ANO2: variants seen among roughly 807,000 people sequenced by gnomAD.
ANO2 encodes anoctamin-2.
Under a neutral mutation model 124.2 loss-of-function variants are expected in ANO2, and 101 were observed. That is an observed-to-expected ratio of 0.81 (90% confidence interval 0.69 to 0.96). The LOEUF is 0.96. ANO2 is among the 40% of genes least tolerant of loss of function. The probability of loss-of-function intolerance (pLI) is 0.00; values close to 1 mark genes in which losing one functional copy is unlikely to be tolerated. For missense variants in ANO2, 1,293 were observed against 1,274.5 expected (o/e 1.01, Z -0.22); for synonymous variants, 486 against 482.5 (o/e 1.01, Z -0.09).
chr12:5,777,287 G>A lies in ANO2; in HGVS notation c.1055+22220C>T, dbSNP rs185264690. Among the ~76,000 whole-genome samples the A allele has an allele frequency of 3.9e-5, 6 of 152,178 alleles. No homozygotes were observed. In the East Asian group the frequency reaches 7.7e-4, roughly 20 times the overall value. ...AGCTCAGATAGTGAGGTCATAGGGC[G>A]GCAAAAAGCAGTATGCCTCATTGAG... On this transcript the variant is annotated intron_variant, in intron 10 of 24. Coordinates refer to ENST00000682330, the MANE Select transcript of ANO2 (RefSeq NM_001364791.2).
intron 20 of ANO2, among the ~76,000 whole-genome samples, chr12:5,583,631 C>T (rs1942894464): frequency 9.5e-6 from 1 of 105,336 alleles, no homozygotes; most frequent in Non-Finnish European, 1.8e-5. Flanking sequence ...CCGGCCTGGG[C>T]TAAAGAGCGG....
rs534485653 is a variant in ANO2 at position 5,737,302 on chromosome 12, A to G, written c.1434+2015T>C. The stretch of plus-strand genomic sequence containing the variant: ...ACCCAGTCTTGGCCAGGCCCCTCTC[A>G]GCCAGCACATGAGCTCCTCAAATCA... On this transcript the variant is annotated intron_variant, in intron 13 of 24. Coordinates refer to ENST00000682330, the MANE Select transcript of ANO2 (RefSeq NM_001364791.2). Among the ~76,000 whole-genome samples, 88 of 152,328 alleles carry G rather than the reference A, an allele frequency of 5.8e-4. 1 individual carries two copies. Among genetic ancestry groups the G allele is most frequent in the African/African-American group, 2.0e-3 (84 of 41,578 alleles).
In ANO2 at chr12:5,610,819, T is replaced by TACATACACAC. The variant is rs1215595459; in HGVS notation, c.2087+1836_2087+1837insGTGTGTATGT. ...TGGCCCAGCCCATCAGAGTTGTCCA[T>TACATACACAC]ACACACACACACACACACACACACA... On this transcript the variant is annotated intron_variant, in intron 19 of 24. Coordinates refer to ENST00000682330, the MANE Select transcript of ANO2 (RefSeq NM_001364791.2). Among the ~76,000 whole-genome samples, 8 of 110,844 alleles carry TACATACACAC rather than the reference T, an allele frequency of 7.2e-5. No homozygotes were observed. The East Asian group carries it at 2.0e-3, about 28-fold the overall frequency. 72.7% of individuals were successfully genotyped at this position (110,844 alleles called of 152,430 possible).
chr12:5,780,753 C>T (rs557110572), intron 10 of ANO2, among the ~76,000 whole-genome samples: 72 of 152,212 alleles, frequency 4.7e-4, no homozygotes, highest in Non-Finnish European at 7.6e-4. Flanking sequence ...TCAGGAACTG[C>T]GAGTCTTAAA....
chr12:5,717,174 G>C (rs551873833), intron 14 of ANO2, among the ~76,000 whole-genome samples: 1 of 152,238 alleles, frequency 6.6e-6, no homozygotes, highest in Non-Finnish European at 1.5e-5. Context: ...GGCATGAAGA[G>C]TATGTGGGAA....
At chr12:5,613,795 T>C (rs371016124) in intron 17 of ANO2, among the ~76,000 whole-genome samples, 5 of 152,366 alleles carry the variant, frequency 3.3e-5, no homozygotes, top group Admixed American at 2.0e-4. Flanking sequence ...AGGCTATCTC[T>C]TCTAGTATAG....
rs1218346164 is a variant in ANO2, at chr12:5,900,605, T to A, written c.534+20435A>T. On this transcript the variant is annotated intron_variant, in intron 3 of 24. Coordinates refer to ENST00000682330, the MANE Select transcript of ANO2 (RefSeq NM_001364791.2). This position sits in a 1 kb window ranked among gnomAD's most constrained non-coding sequence, Gnocchi z 4.2. Reference sequence around the variant, plus strand: ...AAAAAACTAAAGTGAACTCTCCCTTTAAAAAAAAAACATGGGGGAGCATTT... The same window carrying A: ...AAAAAACTAAAGTGAACTCTCCCTTAAAAAAAAAAACATGGGGGAGCATTT... 1.3e-5 allele frequency among the ~76,000 whole-genome samples: 2 copies of A among 149,430 alleles called. No homozygotes were observed. The highest frequency in any genetic ancestry group is 2.1e-4 in the South Asian group (1 of 4,736).
chr12:5,938,922 TAA>T (rs767478777), intron 1 of ANO2, among the ~76,000 whole-genome samples: 3 of 151,894 alleles, frequency 2.0e-5, no homozygotes, highest in South Asian at 2.1e-4. Context: ...TATTTTTTTT[TAA>T]AAATAATTTT....
rs142367877 is a variant in ANO2, at chr12:5,594,126, C to T, written c.2233+5358G>A. ...AGACTAAAGAATTCTATGAGCCAAT[C>T]CAGCTTGAAAAACCCCTGTATGATT... On this transcript the variant is annotated intron_variant, in intron 20 of 24. Transcript: ENST00000682330. 5.8e-3 allele frequency among the ~76,000 whole-genome samples: 888 copies of T among 152,230 alleles called. 6 individuals are homozygous for T. Among genetic ancestry groups the T allele is most frequent in the African/African-American group, 0.02 (841 of 41,532 alleles).
intron 14 of ANO2, among the ~76,000 whole-genome samples, chr12:5,698,004 G>A (rs1339155925): frequency 6.6e-6 from 1 of 152,224 alleles, no homozygotes; most frequent in Admixed American, 6.5e-5. Flanking sequence ...AGGCCTGCCT[G>A]CCTCTGTAGA....
At chr12:5,564,229 CT>C (rs1405613646) in intron 24 of ANO2, among the ~76,000 whole-genome samples, 3 of 152,230 alleles carry the variant, frequency 2.0e-5, no homozygotes, top group African/African-American at 4.8e-5. Context: ...TGGGTCTAGG[CT>C]TTGGCACACA....
rs913250482 is a variant in ANO2 at position 5,851,946 on chromosome 12, G to A, written c.633+2097C>T. The A allele has an allele frequency of 5.4e-6, 4 of 742,416 alleles. No individual in the cohort carries two copies. In the African/African-American group the frequency reaches 6.8e-5, roughly 13 times the overall value. 46.0% of individuals were successfully genotyped at this position (742,416 alleles called of 1,614,324 possible). A position where few individuals can be genotyped will look rare whatever the true frequency, so the allele number is the denominator to read the frequency against. On this transcript the variant is annotated intron_variant, in intron 4 of 24. Transcript: ENST00000682330. ...TGGAAATCATAACATGGGCATTAGA[G>A]TTTTGCTCACCTCCTTTCCAAGGAT...
chr12:5,859,528 C>T (rs1303991976), intron 3 of ANO2, among the ~76,000 whole-genome samples: 2 of 151,640 alleles, frequency 1.3e-5, no homozygotes, highest in African/African-American at 4.9e-5. Context: ...CTGAGTTCAC[C>T]GGTCTCTCTC....
chr12:5,845,938 A>G (rs1027511302), intron 4 of ANO2, among the ~76,000 whole-genome samples: 2 of 152,250 alleles, frequency 1.3e-5, no homozygotes, highest in Non-Finnish European at 2.9e-5. Context: ...AACTATATTT[A>G]AAACTCAATT....
chr12:5,605,110 C>G (rs1466559038), intron 19 of ANO2, among the ~76,000 whole-genome samples: 1 of 152,102 alleles, frequency 6.6e-6, no homozygotes, highest in Non-Finnish European at 1.5e-5. Context: ...CTCCACAGAT[C>G]TTTAGCCTCA....
At chr12:5,734,059 C>T (rs1181547729) in intron 13 of ANO2, among the ~76,000 whole-genome samples, 1 of 152,158 alleles carries the variant, frequency 6.6e-6, no homozygotes, top group Non-Finnish European at 1.5e-5. Flanking sequence ...CACCTTCATC[C>T]GTTCTCCAAC....
intron 16 of ANO2, among the ~76,000 whole-genome samples, chr12:5,619,739 A>T (rs973246382): frequency 1.3e-5 from 2 of 152,264 alleles, no homozygotes; most frequent in African/African-American, 4.8e-5. Context: ...CTGTCCTCCA[A>T]ACGTCTGGCT....
chr12:5,785,601 T>C (rs1035540215), intron 10 of ANO2, among the ~76,000 whole-genome samples: 4 of 151,988 alleles, frequency 2.6e-5, no homozygotes, highest in African/African-American at 9.7e-5. Flanking sequence ...GAAGAGCAAA[T>C]CTTGAAGGCA....
intron 3 of ANO2, 31 bp from the exon 4 acceptor site, chr12:5,854,172 A>T (rs1955017426): frequency 6.3e-7 from 1 of 1,582,926 alleles, no homozygotes; most frequent in South Asian, 1.1e-5. Context: ...ACAAATGGAA[A>T]CACTTGTAAG....
Sources: allele counts gnomAD v4.1 joint callset (sites outside exome capture counted in the v4.1 genomes callset), GRCh38; gene constraint gnomAD v4.1.1; non-coding constraint Gnocchi (gnomAD v3.1); transcripts MANE v1.5; gene names NCBI Gene and HGNC (gene_info 2026-07-23, HGNC 2026-07-21).